The following RBFOX1 variants were observed in gnomAD, a reference collection of about 807,000 sequenced individuals.
RBFOX1 encodes the protein RNA binding protein fox-1 homolog 1.
Under a neutral mutation model 57.7 loss-of-function variants are expected in RBFOX1, and 8 were observed. The observed-to-expected ratio is 0.14, with a 90% CI of 0.08 to 0.25. The LOEUF (loss-of-function observed/expected upper bound fraction) is 0.25. Among genes scored for constraint, RBFOX1 ranks in the 10% least tolerant of loss-of-function variants. RBFOX1 has a pLI of 1.00. For missense variants in RBFOX1, 611 were observed against 548.5 expected, an observed-to-expected ratio of 1.11 and a Z score of -1.14; for synonymous variants, 326 against 222.4, an observed-to-expected ratio of 1.47 and a Z score of -4.15.
intron 3 of RBFOX1, among the ~76,000 whole-genome samples, chr16:6,696,317 AG>A (rs1454258534): frequency 7.3e-5 from 11 of 151,190 alleles, no homozygotes; most frequent in Non-Finnish European, 1.6e-4. Context: ...ACTTTTTCTT[AG>A]AAGTTTTCTT....
At chr16:5,360,305 A>G (rs577567762) in intron 1 of RBFOX1, among the ~76,000 whole-genome samples, 8 of 152,282 alleles carry the variant, frequency 5.3e-5, no homozygotes, top group Admixed American at 5.2e-4. Flanking sequence ...GATCAGCTCT[A>G]GAGACTCCAG....
chr16:6,774,939 C>T (rs1019993620), intron 3 of RBFOX1, among the ~76,000 whole-genome samples: 11 of 151,964 alleles, frequency 7.2e-5, no homozygotes, highest in African/African-American at 2.4e-4. Context: ...GGACAGTATA[C>T]GTCTATAGGC....
At chr16:6,134,672 G>A (rs971905488) in intron 1 of RBFOX1, among the ~76,000 whole-genome samples, 2 of 146,462 alleles carry the variant, frequency 1.4e-5, no homozygotes, top group Non-Finnish European at 3.0e-5. Flanking sequence ...CTTTGTGCTT[G>A]AACTCAGAGT....
intron 3 of RBFOX1, among the ~76,000 whole-genome samples, chr16:5,706,436 C>T (rs72633293): frequency 0.21 from 32,428 of 152,090 alleles, 4,527 homozygotes; most frequent in East Asian, 0.63. Context: ...CCTCTTATTT[C>T]CCTGGTGCTC....
chr16:6,700,582 C>G (rs1454141457), intron 3 of RBFOX1, among the ~76,000 whole-genome samples: 1 of 151,974 alleles, frequency 6.6e-6, no homozygotes. Flanking sequence ...TGCTTGAACC[C>G]GGGAGGCAGA....
chr16:6,818,859 T>G (rs9928989), intron 3 of RBFOX1, among the ~76,000 whole-genome samples: 15 of 152,108 alleles, frequency 9.9e-5, no homozygotes, highest in African/African-American at 3.4e-4. Flanking sequence ...CCAATGAGAT[T>G]AAATCTCAGG....
intron 4 of RBFOX1, among the ~76,000 whole-genome samples, chr16:5,907,732 TCA>T (rs2058496142): frequency 6.7e-6 from 1 of 148,746 alleles, no homozygotes; most frequent in Admixed American, 6.6e-5. Context: ...ATCATCATCA[TCA>T]TCATCATCAT....
chr16:7,494,785 T>C (rs968854300), intron 4 of RBFOX1, among the ~76,000 whole-genome samples: 5 of 149,960 alleles, frequency 3.3e-5, no homozygotes, highest in African/African-American at 1.2e-4. Context: ...AAGTTTCTCC[T>C]TCCCAAATGC....
intron 4 of RBFOX1, among the ~76,000 whole-genome samples, chr16:7,257,998 C>G (rs1041202107): frequency 2.0e-5 from 3 of 152,202 alleles, no homozygotes; most frequent in South Asian, 2.1e-4. Context: ...CGACACAACT[C>G]TGACATTTGA....
At chr16:5,720,019 G>A (rs1180659714) in intron 3 of RBFOX1, among the ~76,000 whole-genome samples, 5 of 152,078 alleles carry the variant, frequency 3.3e-5, no homozygotes, top group South Asian at 2.1e-4. Flanking sequence ...ACCATCGTAG[G>A]TTCCCATTCC....
At chr16:7,004,800 C>G (rs1277274751) in intron 3 of RBFOX1, among the ~76,000 whole-genome samples, 1 of 152,134 alleles carries the variant, frequency 6.6e-6, no homozygotes, top group African/African-American at 2.4e-5. Context: ...ATCCACGTGT[C>G]TCTATAAGTG....
At chr16:7,500,627 A>G (rs2070440452) in intron 4 of RBFOX1, among the ~76,000 whole-genome samples, 2 of 152,200 alleles carry the variant, frequency 1.3e-5, no homozygotes, top group Non-Finnish European at 1.5e-5. Context: ...ACTAGATATG[A>G]TTTGGGCATT....
chr16:5,306,323 C>CT (rs34944593), intron 1 of RBFOX1, among the ~76,000 whole-genome samples: 91,274 of 147,342 alleles, frequency 0.62, 28,327 homozygotes, highest in Admixed American at 0.71. Context: ...TTCTAGAATT[C>CT]TTTTTTTTTT....
intron 3 of RBFOX1, among the ~76,000 whole-genome samples, chr16:5,820,802 C>G (rs1466147194): frequency 6.6e-6 from 1 of 152,158 alleles, no homozygotes; most frequent in Admixed American, 6.5e-5. Context: ...GTTAGACAAG[C>G]CAGTCTAGAT....
intron 3 of RBFOX1, among the ~76,000 whole-genome samples, chr16:6,750,182 G>A (rs903234510): frequency 6.6e-6 from 1 of 152,136 alleles, no homozygotes; most frequent in Non-Finnish European, 1.5e-5. Context: ...TGCAGGAGAA[G>A]GAAAAAGAAA....
intron 5 of RBFOX1, among the ~76,000 whole-genome samples, chr16:7,552,345 G>T (rs770465113): frequency 2.0e-5 from 3 of 152,056 alleles, no homozygotes; most frequent in Non-Finnish European, 4.4e-5. Context: ...AGTGAGAGGC[G>T]ACAGGATACT....
intron 3 of RBFOX1, among the ~76,000 whole-genome samples, chr16:6,659,228 G>A (rs1335591715): frequency 2.0e-5 from 1 of 51,220 alleles, no homozygotes. Flanking sequence ...GTCAAGAGGA[G>A]ACGAGAGCCC....
At chr16:6,249,723 A>G (rs1480226111) in intron 1 of RBFOX1, among the ~76,000 whole-genome samples, 1 of 152,030 alleles carries the variant, frequency 6.6e-6, no homozygotes, top group East Asian at 1.9e-4. Context: ...AATGATGGGA[A>G]AACACTGGGA....
chr16:5,722,876 C>T (rs761703403), intron 3 of RBFOX1, among the ~76,000 whole-genome samples: 6 of 152,244 alleles, frequency 3.9e-5, no homozygotes, highest in Non-Finnish European at 7.4e-5. Context: ...TTTCTGTTGC[C>T]AGCTCTCATT....
Sources: gnomAD v4.1 joint callset for allele counts (sites outside exome capture counted in the v4.1 genomes callset) on GRCh38, gnomAD v4.1.1 for gene constraint, MANE v1.5 for transcripts, NCBI Gene and HGNC (gene_info 2026-07-23, HGNC 2026-07-21) for gene names.